NEGR1: variants seen among roughly 807,000 people sequenced by gnomAD.
The protein encoded by NEGR1 is IgLON family member 4.
NEGR1 carries 10 observed loss-of-function variants against 40.9 expected under a neutral mutation model. The observed-to-expected ratio is 0.24, with a 90% CI of 0.15 to 0.42. The LOEUF (loss-of-function observed/expected upper bound fraction) is 0.42. Among genes scored for constraint, NEGR1 ranks in the 10% least tolerant of loss-of-function variants. The probability of loss-of-function intolerance (pLI) is 1.00; values close to 1 mark genes in which losing one functional copy is unlikely to be tolerated. For synonymous variants in NEGR1, 185 were observed against 166.8 expected, an observed-to-expected ratio of 1.11 and a Z score of -0.84; for missense variants, 352 against 438.9, an observed-to-expected ratio of 0.80 and a Z score of 1.77.
chr1:72,270,926 A>G (rs1024167918), intron 1 of NEGR1, among the ~76,000 whole-genome samples: 1 of 151,904 alleles, frequency 6.6e-6, no homozygotes, highest in African/African-American at 2.4e-5. Flanking sequence ...ATTAGCAGAA[A>G]AAAAGCAGCA....
At chr1:71,937,869 G>A (rs1267657786) in intron 1 of NEGR1, among the ~76,000 whole-genome samples, 1 of 152,036 alleles carries the variant, frequency 6.6e-6, no homozygotes, top group African/African-American at 2.4e-5. Context: ...TTCCCCAGAG[G>A]CAGTAGCAGC....
chr1:71,836,455 A>C (rs999575319), intron 2 of NEGR1, among the ~76,000 whole-genome samples: 2 of 130,996 alleles, frequency 1.5e-5, no homozygotes, highest in African/African-American at 2.8e-5. Flanking sequence ...AACAAAAAAA[A>C]CAAAAAACAA....
chr1:71,830,712 C>T (rs473019), intron 2 of NEGR1, among the ~76,000 whole-genome samples: 1 of 151,892 alleles, frequency 6.6e-6, no homozygotes, highest in South Asian at 2.1e-4. Flanking sequence ...GGATACTACT[C>T]GACTTTGTTC....
intron 4 of NEGR1, among the ~76,000 whole-genome samples, chr1:71,616,283 G>C (rs1176171844): frequency 6.6e-6 from 1 of 152,172 alleles, no homozygotes. Flanking sequence ...TGGCATTACT[G>C]TCTGAGCTCC....
chr1:71,895,401 A>C (rs1269850333), intron 2 of NEGR1, among the ~76,000 whole-genome samples: 1 of 152,190 alleles, frequency 6.6e-6, no homozygotes, highest in African/African-American at 2.4e-5. Context: ...TGTAAGCATC[A>C]TATTTTCATC....
intron 1 of NEGR1, among the ~76,000 whole-genome samples, chr1:72,112,276 AT>A (rs1649403671): frequency 6.7e-6 from 1 of 149,640 alleles, no homozygotes; most frequent in African/African-American, 2.5e-5. Context: ...TAAAAAAAAA[AT>A]CTACCCCTTT....
intron 3 of NEGR1, among the ~76,000 whole-genome samples, chr1:71,766,066 C>A (rs1656115894): frequency 6.6e-6 from 1 of 151,120 alleles, no homozygotes; most frequent in Non-Finnish European, 1.5e-5. Context: ...CCCAGCTACT[C>A]GGGAGGCTGA....
In NEGR1 at chr1:72,219,235, C is replaced by A. The variant is rs79515520; in HGVS notation, c.176+63084G>T. The stretch of plus-strand genomic sequence containing the variant: ...TATAAAATCATAACCAAAAAATCAT[C>A]TCAAAGCAAATAAAATATATCTAGC... On this transcript the variant is annotated intron_variant, in intron 1 of 6. Transcript: ENST00000357731. 5.3e-4 allele frequency among the ~76,000 whole-genome samples: 81 copies of A among 152,110 alleles called. No individual in the cohort carries two copies. The East Asian group carries it at 0.014, about 27-fold the overall frequency.
intron 1 of NEGR1, among the ~76,000 whole-genome samples, chr1:72,279,156 T>A (rs1308972493): frequency 6.6e-6 from 1 of 152,140 alleles, no homozygotes; most frequent in Non-Finnish European, 1.5e-5. Context: ...ATCCTGTATT[T>A]AAGCTAAACA....
chr1:71,813,127 T>G (rs1658064278), intron 2 of NEGR1, among the ~76,000 whole-genome samples: 1 of 151,966 alleles, frequency 6.6e-6, no homozygotes, highest in African/African-American at 2.4e-5. Flanking sequence ...ATGGAAGGAG[T>G]CCAGTTTCAA....
chr1:72,171,995 G>T (rs1426657787), intron 1 of NEGR1, among the ~76,000 whole-genome samples: 1 of 151,998 alleles, frequency 6.6e-6, no homozygotes, highest in Non-Finnish European at 1.5e-5. Context: ...GACCTTCCTT[G>T]TCAGGCCATT....
chr1:71,983,174 T>C (rs1238387877), intron 1 of NEGR1, among the ~76,000 whole-genome samples: 2 of 152,158 alleles, frequency 1.3e-5, no homozygotes, highest in African/African-American at 4.8e-5. Flanking sequence ...TTTGCCTGTT[T>C]GTTGTGGGTG....
chr1:71,583,894 G>T (rs1570065048), intron 6 of NEGR1, among the ~76,000 whole-genome samples: 1 of 152,150 alleles, frequency 6.6e-6, no homozygotes, highest in Non-Finnish European at 1.5e-5. Context: ...TTGACTCAAA[G>T]AAAGGAACCG....
chr1:71,413,262 T>A (rs1438254659), intron 6 of NEGR1, among the ~76,000 whole-genome samples: 1 of 152,194 alleles, frequency 6.6e-6, no homozygotes. Context: ...TAAACACTCC[T>A]CATTCACTTA....
chr1:72,275,539 T>A (rs1325344154), intron 1 of NEGR1, among the ~76,000 whole-genome samples: 1 of 152,130 alleles, frequency 6.6e-6, no homozygotes, highest in Non-Finnish European at 1.5e-5. Flanking sequence ...CAATCTTTAA[T>A]CTATCAGCAA....
chr1:71,680,738 C>A (rs1384968929), intron 4 of NEGR1, among the ~76,000 whole-genome samples: 1 of 152,128 alleles, frequency 6.6e-6, no homozygotes, highest in Non-Finnish European at 1.5e-5. Context: ...TCAGCTCTAG[C>A]CTGCTTCATC....
At chr1:72,052,937 T>C (rs1647075842) in intron 1 of NEGR1, among the ~76,000 whole-genome samples, 1 of 151,460 alleles carries the variant, frequency 6.6e-6, no homozygotes. Flanking sequence ...TCTCACCTCT[T>C]AGGAAAGCTT....
At chr1:72,200,533 A>G (rs1432571193) in intron 1 of NEGR1, among the ~76,000 whole-genome samples, 2 of 151,922 alleles carry the variant, frequency 1.3e-5, no homozygotes, top group African/African-American at 4.8e-5. Context: ...AAGGCTACGT[A>G]TTGAGCACTA....
At chr1:72,125,254 AT>A (rs1360403468) in intron 1 of NEGR1, among the ~76,000 whole-genome samples, 1 of 152,110 alleles carries the variant, frequency 6.6e-6, no homozygotes, top group Non-Finnish European at 1.5e-5. Context: ...ACTGAGAAAA[AT>A]TGAACGTATC....
Sources: gnomAD v4.1 joint callset for allele counts (sites outside exome capture counted in the v4.1 genomes callset) on GRCh38, gnomAD v4.1.1 for gene constraint, MANE v1.5 for transcripts, NCBI Gene and HGNC (gene_info 2026-07-23, HGNC 2026-07-21) for gene names.